The following PSMF1 variants were observed in gnomAD, a reference collection of about 807,000 sequenced individuals.
PSMF1 encodes the protein proteasome inhibitor PI31 subunit.
In PSMF1, 30 loss-of-function variants were observed where a neutral mutation model predicts 29.3. The ratio of observed to expected loss-of-function variants is 1.02; its 90% CI spans 0.77 to 1.39. The LOEUF (loss-of-function observed/expected upper bound fraction) is 1.39. Among genes scored for constraint, PSMF1 ranks in the 40% most tolerant of loss-of-function variants. The pLI is 0.00. For synonymous variants in PSMF1, 134 were observed against 139.7 expected (o/e 0.96, Z 0.29); for missense variants, 344 against 357.5 (o/e 0.96, Z 0.31).
upstream of PSMF1, among the ~76,000 whole-genome samples, chr20:1,114,070 T>G (rs1173440337): frequency 6.6e-6 from 1 of 152,138 alleles, no homozygotes; most frequent in African/African-American, 2.4e-5. Flanking sequence ...TACAACACCC[T>G]CATCACCCTT....
At chr20:1,119,702 A>T (rs1422514613) in intron 1 of PSMF1, among the ~76,000 whole-genome samples, 4 of 151,944 alleles carry the variant, frequency 2.6e-5, no homozygotes, top group African/African-American at 9.7e-5. Flanking sequence ...CACCTCACTA[A>T]TTCTTTGCTC....
chr20:1,131,516 C>T (rs1156952589), intron 3 of PSMF1, among the ~76,000 whole-genome samples: 2 of 152,170 alleles, frequency 1.3e-5, no homozygotes, highest in Admixed American at 1.3e-4. Flanking sequence ...AATGTGATCA[C>T]CAGGAGTCAT....
At chr20:1,127,349 T>C (rs370732491) in intron 2 of PSMF1, 77 bp from the exon 3 acceptor site, 736 of 1,100,176 alleles carry the variant, frequency 6.7e-4, no homozygotes, top group Non-Finnish European at 9.3e-4. Flanking sequence ...GGTTGAAGAC[T>C]TTGTTACTCT....
At chr20:1,143,916 C>CGGAAA (rs2086415372) in intron 4 of PSMF1, among the ~76,000 whole-genome samples, 2 of 152,050 alleles carry the variant, frequency 1.3e-5, no homozygotes, top group African/African-American at 4.8e-5. Context: ...CATGGTGAAA[C>CGGAAA]CGTGTCTCTT....
intron 3 of PSMF1, chr20:1,134,733 C>T: frequency 3.2e-6 from 1 of 314,252 alleles, no homozygotes; most frequent in Non-Finnish European, 6.2e-6. Context: ...GTTCATCCTC[C>T]CCATGGAGCC....
At chr20:1,152,059 G>C (rs1002605293) in intron 4 of PSMF1, among the ~76,000 whole-genome samples, 2 of 152,072 alleles carry the variant, frequency 1.3e-5, no homozygotes, top group Non-Finnish European at 2.9e-5. Flanking sequence ...GTTGGGACTC[G>C]GTTAACCACG....
Position 1,165,236 on chromosome 20 carries a change from G to A in PSMF1, c.*156G>A. On this transcript the variant is annotated 3_prime_UTR_variant, in exon 7 of 7. Coordinates refer to ENST00000335877, the MANE Select transcript of PSMF1 (RefSeq NM_006814.5). ...GATAGCCTCCCCACCCCTTATCAGA[G>A]CCAAGACACCTGCTGCAGCTCTCCA... 3.5e-6 allele frequency: 5 copies of A among 1,443,250 alleles called. No homozygotes were observed. The highest frequency in any genetic ancestry group is 4.5e-6 in the Non-Finnish European group (5 of 1,099,046). The allele number at this position is 1,443,250 out of a possible 1,614,324, so 89.4% of individuals were successfully genotyped here. A position where few individuals can be genotyped will look rare whatever the true frequency, so the allele number is the denominator to read the frequency against.
chr20:1,165,653 G>A lies in PSMF1; in HGVS notation c.*573G>A. 2.0e-6 allele frequency: 2 copies of A among 996,848 alleles called. No individual in the cohort carries two copies. The highest frequency in any genetic ancestry group is 2.4e-6 in the Non-Finnish European group (2 of 836,256). 61.8% of individuals were successfully genotyped at this position (996,848 alleles called of 1,614,324 possible). On this transcript the variant is annotated 3_prime_UTR_variant, in exon 7 of 7. Transcript: ENST00000335877. Reference sequence around the variant, plus strand: ...ACATCACTAAGATGGGTCCCCTTCTGGCTGCATGAATGGAAATGAGTGACT... The same window carrying A: ...ACATCACTAAGATGGGTCCCCTTCTAGCTGCATGAATGGAAATGAGTGACT...
intron 4 of PSMF1, among the ~76,000 whole-genome samples, chr20:1,136,843 A>G (rs2086313052): frequency 6.6e-6 from 1 of 152,244 alleles, no homozygotes; most frequent in Admixed American, 6.5e-5. Flanking sequence ...TGCAAACAAA[A>G]TAGTGATTGA....
chr20:1,117,002 G>T (rs1231143767), upstream of PSMF1, among the ~76,000 whole-genome samples: 1 of 152,224 alleles, frequency 6.6e-6, no homozygotes, highest in African/African-American at 2.4e-5. Flanking sequence ...TACTGCAATA[G>T]TCTAAGTGTG....
At position 1,127,480 on chromosome 20, in the gene PSMF1, G is replaced by T. The variant is rs947536346; in HGVS notation, c.337G>T (p.Asp113Tyr). ...GACCCTGAACTTGGATGATTATATCGATGCAGAACACCTGGGTGACTTCCA... is the reference window on the plus strand; with the variant it reads ...GACCCTGAACTTGGATGATTATATCTATGCAGAACACCTGGGTGACTTCCA... Reference protein sequence around the residue: ...DLTLNLDDYIDAEHLGDFHRT... With the variant: ...DLTLNLDDYIYAEHLGDFHRT... Residue 113 changes from aspartate to tyrosine, a missense_variant, in exon 3 of 7, where the codon GAT becomes TAT. Transcript: ENST00000335877. The T allele has an allele frequency of 1.2e-6, 2 of 1,606,874 alleles. No homozygotes were observed. The highest frequency in any genetic ancestry group is 1.7e-6 in the Non-Finnish European group (2 of 1,173,380).
rs2086148720 is a variant in PSMF1 at position 1,125,830 on chromosome 20, A to G, written c.282+180A>G. 1.9e-5 allele frequency: 15 copies of G among 803,544 alleles called. No homozygotes were observed. The South Asian group carries it at 2.2e-4, about 12-fold the overall frequency. The allele number at this position is 803,544 out of a possible 1,614,324, so 49.8% of individuals were successfully genotyped here. Reference sequence around the variant, plus strand: ...AAGTATAGAAAACCTTCGTGCACAAAGGTATCCACCACCTGGAATTAAGAA... The same window carrying G: ...AAGTATAGAAAACCTTCGTGCACAAGGGTATCCACCACCTGGAATTAAGAA... On this transcript the variant is annotated intron_variant, in intron 2 of 6. Coordinates refer to ENST00000335877, the MANE Select transcript of PSMF1 (RefSeq NM_006814.5).
rs922805030 is a variant in PSMF1 at position 1,163,894 on chromosome 20, A to G, written c.606-424A>G. On this transcript the variant is annotated intron_variant, in intron 5 of 6. Transcript: ENST00000335877. This position sits in a 1 kb window ranked among gnomAD's most constrained non-coding sequence, Gnocchi z 6.1. ...TAAGGGAAAGAGAAAAAAAACCAAC[A>G]TCACGAATTACCTCAATGCTATAAT... Among the ~76,000 whole-genome samples the G allele has an allele frequency of 1.3e-5, 2 of 152,198 alleles. No individual in the cohort carries two copies. Among genetic ancestry groups the G allele is most frequent in the Non-Finnish European group, 2.9e-5 (2 of 68,032 alleles).
In PSMF1 at chr20:1,147,231, C is replaced by T. The variant is rs555024508; in HGVS notation, c.551+11925C>T. 4.6e-5 allele frequency among the ~76,000 whole-genome samples: 7 copies of T among 152,184 alleles called. No individual in the cohort carries two copies. In the East Asian group the frequency reaches 7.7e-4, roughly 17 times the overall value. ...TTCCCTTTCTTGGCTGTTCACCATG[C>T]GTTGGCCTGTGAACCGAGTGTGTTA... On this transcript the variant is annotated intron_variant, in intron 4 of 6. Transcript: ENST00000335877.
chr20:1,126,089 C>T (rs577303575), intron 2 of PSMF1, among the ~76,000 whole-genome samples: 2 of 152,322 alleles, frequency 1.3e-5, no homozygotes, highest in African/African-American at 4.8e-5. Flanking sequence ...GGACAATTCT[C>T]TTTCATTTTT....
chr20:1,131,347 A>G (rs2086226402), intron 3 of PSMF1, among the ~76,000 whole-genome samples: 1 of 152,072 alleles, frequency 6.6e-6, no homozygotes, highest in Non-Finnish European at 1.5e-5. Flanking sequence ...TGTGTGAGGG[A>G]GGGGATATGT....
At position 1,127,457 on chromosome 20, in the gene PSMF1, C is replaced by T; in HGVS notation, c.314C>T (p.Thr105Ile). 3 of 1,608,824 alleles carry T rather than the reference C, an allele frequency of 1.9e-6. No homozygotes were observed. The South Asian group carries it at 3.3e-5, about 18-fold the overall frequency. Residue 105 changes from threonine to isoleucine, a missense_variant, in exon 3 of 7, where the codon ACC (threonine) becomes ATC (isoleucine). Coordinates refer to ENST00000335877, the MANE Select transcript of PSMF1 (RefSeq NM_006814.5). ...EYGSQQVADLTLNLDDYIDAE... is the reference protein window; with the variant it reads ...EYGSQQVADLILNLDDYIDAE... ...GGCTCACAGCAAGTGGCAGACTTGA[C>T]CCTGAACTTGGATGATTATATCGAT...
chr20:1,140,045 G>T (rs1301913764), intron 4 of PSMF1, among the ~76,000 whole-genome samples: 7 of 152,132 alleles, frequency 4.6e-5, no homozygotes, highest in South Asian at 4.1e-4. Context: ...TATTCAGTGC[G>T]ATCCCAGTGA....
At chr20:1,130,972 G>A (rs182836457) in intron 3 of PSMF1, among the ~76,000 whole-genome samples, 90 of 152,322 alleles carry the variant, frequency 5.9e-4, no homozygotes, top group Admixed American at 1.6e-3. Flanking sequence ...GGTGTCTTCT[G>A]CATGCAATAG....
Sources: allele counts gnomAD v4.1 joint callset (sites outside exome capture counted in the v4.1 genomes callset), GRCh38; gene constraint gnomAD v4.1.1; non-coding constraint Gnocchi (gnomAD v3.1); transcripts MANE v1.5; gene names NCBI Gene and HGNC (gene_info 2026-07-23, HGNC 2026-07-21).